Variants in PID1 observed in about 807,000 individuals in gnomAD.
PID1 encodes PTB-containing, cubilin and LRP1-interacting protein.
Under a neutral mutation model 19.1 loss-of-function variants are expected in PID1, and 10 were observed. The ratio of observed to expected loss-of-function variants is 0.52; its 90% confidence interval spans 0.32 to 0.89. The LOEUF (loss-of-function observed/expected upper bound fraction) is 0.89, where lower values mean the gene tolerates loss of function less well. PID1 is among the 40% of genes least tolerant of loss of function. The pLI is 0.03. For synonymous variants in PID1, 130 were observed against 116.0 expected, an observed-to-expected ratio of 1.12 and a Z score of -0.78; for missense variants, 248 against 285.3, an observed-to-expected ratio of 0.87 and a Z score of 0.94.
At chr2:229,032,248 T>TAAA (rs1693570345) in intron 2 of PID1, among the ~76,000 whole-genome samples, 1 of 152,220 alleles carries the variant, frequency 6.6e-6, no homozygotes, top group Non-Finnish European at 1.5e-5. Context: ...AGAGGTCCCC[T>TAAA]CCTGCCATGG....
intron 2 of PID1, among the ~76,000 whole-genome samples, chr2:229,048,694 AAT>A (rs1476050811): frequency 1.9e-4 from 29 of 152,180 alleles, no homozygotes; most frequent in Admixed American, 1.9e-3. Context: ...TTACAATGAT[AAT>A]ATGTGCTTAA....
intron 2 of PID1, among the ~76,000 whole-genome samples, chr2:229,134,839 T>C (rs1300685689): frequency 6.6e-6 from 1 of 152,224 alleles, no homozygotes; most frequent in African/African-American, 2.4e-5. Context: ...TGATCTCTTA[T>C]GTCAATATAT....
At chr2:229,149,413 TC>T (rs1179534979) in intron 2 of PID1, among the ~76,000 whole-genome samples, 1 of 152,098 alleles carries the variant, frequency 6.6e-6, no homozygotes, top group African/African-American at 2.4e-5. Context: ...AGAGTCCTTA[TC>T]ATGAGATAAG....
chr2:229,150,336 C>T (rs952536664), intron 2 of PID1, among the ~76,000 whole-genome samples: 2 of 152,060 alleles, frequency 1.3e-5, no homozygotes, highest in Non-Finnish European at 2.9e-5. Flanking sequence ...CCAAGGTTGC[C>T]TCAGGGGCCA....
At chr2:229,270,967 G>A in intron 1 of PID1, 47 bp downstream of exon 1, 2 of 1,491,470 alleles carry the variant, frequency 1.3e-6, no homozygotes, top group Middle Eastern at 1.8e-4. Context: ...CCTCTGCCCG[G>A]GCACCTCCTC....
At chr2:229,151,889 G>C (rs942597584) in intron 2 of PID1, among the ~76,000 whole-genome samples, 2 of 151,988 alleles carry the variant, frequency 1.3e-5, no homozygotes. Flanking sequence ...TATTACTATG[G>C]TCATCATTAT....
intron 1 of PID1, among the ~76,000 whole-genome samples, chr2:229,162,708 G>A (rs935656320): frequency 6.6e-6 from 1 of 152,160 alleles, no homozygotes; most frequent in Non-Finnish European, 1.5e-5. Context: ...TTATAATCAT[G>A]CTTCATTTTA....
At chr2:229,071,179 G>A (rs1343091337) in intron 2 of PID1, among the ~76,000 whole-genome samples, 54 of 152,100 alleles carry the variant, frequency 3.6e-4, no homozygotes, top group East Asian at 1.9e-4. Context: ...CAGAGACATC[G>A]CTGAGTTGAA....
chr2:229,076,320 C>G (rs956615115), intron 2 of PID1, among the ~76,000 whole-genome samples: 3 of 152,090 alleles, frequency 2.0e-5, no homozygotes, highest in African/African-American at 4.8e-5. Context: ...CTGTCAAATC[C>G]CAAGACAATT....
At chr2:229,143,783 T>G (rs1251040123) in intron 2 of PID1, among the ~76,000 whole-genome samples, 2 of 152,052 alleles carry the variant, frequency 1.3e-5, no homozygotes, top group African/African-American at 4.8e-5. Context: ...AGTGTGGCAC[T>G]TCCCCAACCC....
intron 1 of PID1, among the ~76,000 whole-genome samples, chr2:229,241,011 A>G (rs1340866730): frequency 6.6e-6 from 1 of 151,858 alleles, no homozygotes; most frequent in Non-Finnish European, 1.5e-5. Flanking sequence ...AAAATTTTCT[A>G]TTTTAGATAT....
rs1693394630 is a variant in PID1, at chr2:229,025,515, C to A, written c.*117G>T. On this transcript the variant is annotated 3_prime_UTR_variant, in exon 3 of 3. Transcript: ENST00000392055. ...AGAATTGCTCTTCTGAATTTAAAAA[C>A]CTTGGTCAGCCAATAGTTTGGCAGT... is the stretch of plus-strand genomic sequence containing the variant. The A allele has an allele frequency of 1.9e-5, 14 of 742,728 alleles. No individual in the cohort carries two copies. The highest frequency in any genetic ancestry group is 2.6e-5 in the Non-Finnish European group (11 of 430,694). The allele number at this position is 742,728 out of a possible 1,614,324, so 46.0% of individuals were successfully genotyped here. A position where few individuals can be genotyped will look rare whatever the true frequency, so the allele number is the denominator to read the frequency against.
At chr2:229,042,986 A>C (rs1693802660) in intron 2 of PID1, among the ~76,000 whole-genome samples, 1 of 149,978 alleles carries the variant, frequency 6.7e-6, no homozygotes, top group Non-Finnish European at 1.5e-5. Flanking sequence ...GCGCAGAAAG[A>C]GAGAGAGAGG....
rs1400904511 is a variant in PID1 at position 229,216,635 on chromosome 2, T to TA, written c.30+54378dup. On this transcript the variant is annotated intron_variant, in intron 1 of 2. Transcript: ENST00000392055. ...ATCAAGCTCTTAAAAAGTAAAAAAA[T>TA]AAAAAAAACTATACAGGTTTTTACA... 1.3e-4 allele frequency among the ~76,000 whole-genome samples: 20 copies of TA among 151,804 alleles called. No homozygotes were observed. The South Asian group carries it at 1.5e-3, about 11-fold the overall frequency.
intron 1 of PID1, among the ~76,000 whole-genome samples, chr2:229,192,981 G>A (rs1015527607): frequency 6.6e-6 from 1 of 152,066 alleles, no homozygotes; most frequent in African/African-American, 2.4e-5. Flanking sequence ...ATATCCAAAT[G>A]GCACTTCAGA....
intron 1 of PID1, among the ~76,000 whole-genome samples, chr2:229,247,533 C>T (rs1013303687): frequency 2.6e-5 from 4 of 152,124 alleles, no homozygotes; most frequent in East Asian, 1.9e-4. Flanking sequence ...CTAGTGCAAG[C>T]GAACTTGGAA....
chr2:229,029,335 AT>A (rs1693495818), intron 2 of PID1, among the ~76,000 whole-genome samples: 1 of 146,192 alleles, frequency 6.8e-6, no homozygotes. Context: ...AAAAAAAAAC[AT>A]GAAAACATGC....
chr2:229,133,290 T>C (rs1431671168), intron 2 of PID1, among the ~76,000 whole-genome samples: 1 of 152,252 alleles, frequency 6.6e-6, no homozygotes, highest in African/African-American at 2.4e-5. Flanking sequence ...AAAGTAACAC[T>C]TCCAGGCATA....
intron 2 of PID1, among the ~76,000 whole-genome samples, chr2:229,062,917 G>T (rs1182385595): frequency 6.6e-6 from 1 of 151,898 alleles, no homozygotes; most frequent in African/African-American, 2.4e-5. Context: ...CGAATAATTT[G>T]TTCATAGTAG....
Sources: gnomAD v4.1 joint callset for allele counts (sites outside exome capture counted in the v4.1 genomes callset) on GRCh38, gnomAD v4.1.1 for gene constraint, MANE v1.5 for transcripts, NCBI Gene and HGNC (gene_info 2026-07-23, HGNC 2026-07-21) for gene names.